Variants in TMEM232 observed in about 807,000 individuals in gnomAD.
TMEM232 encodes transmembrane protein 232.
Under a neutral mutation model 78.8 loss-of-function variants are expected in TMEM232, and 80 were observed. That is an observed-to-expected ratio of 1.01 (90% CI 0.85 to 1.22). The LOEUF is 1.22. Among genes scored for constraint, TMEM232 ranks in the 50% most tolerant of loss-of-function variants. The pLI, the probability that TMEM232 is intolerant of heterozygous loss-of-function variation, is 0.00. For missense variants in TMEM232, 881 were observed against 742.2 expected, an observed-to-expected ratio of 1.19 and a Z score of -2.17; for synonymous variants, 297 against 254.3, an observed-to-expected ratio of 1.17 and a Z score of -1.60.
chr5:110,453,827 CAAA>C (rs556583793), intron 12 of TMEM232, among the ~76,000 whole-genome samples: 2 of 117,026 alleles, frequency 1.7e-5, no homozygotes, highest in Non-Finnish European at 3.7e-5. Flanking sequence ...ATTCCAGGAG[CAAA>C]AAAAAAAAAA....
intron 2 of TMEM232, among the ~76,000 whole-genome samples, chr5:110,734,018 TAC>T (rs1341639908): frequency 6.6e-6 from 1 of 152,244 alleles, no homozygotes; most frequent in Non-Finnish European, 1.5e-5. Flanking sequence ...AAATTTCTCT[TAC>T]ACAGTTAGTT....
intron 10 of TMEM232, among the ~76,000 whole-genome samples, chr5:110,604,251 G>C (rs1781277214): frequency 6.6e-6 from 1 of 151,898 alleles, no homozygotes; most frequent in Non-Finnish European, 1.5e-5. Context: ...AACCACAAAA[G>C]ACTACTTTGA....
intron 12 of TMEM232, among the ~76,000 whole-genome samples, chr5:110,432,155 G>C (rs932419361): frequency 2.0e-5 from 3 of 151,436 alleles, no homozygotes; most frequent in African/African-American, 7.3e-5. Context: ...TACTATATAA[G>C]GTCACCATCC....
chr5:110,643,689 A>G (rs888066740), intron 2 of TMEM232, among the ~76,000 whole-genome samples: 2 of 152,062 alleles, frequency 1.3e-5, no homozygotes, highest in Non-Finnish European at 2.9e-5. Flanking sequence ...TTACTGAAAT[A>G]GAATTTACTG....
chr5:110,708,025 G>T (rs1344982019), intron 1 of TMEM232, among the ~76,000 whole-genome samples: 2 of 152,114 alleles, frequency 1.3e-5, no homozygotes, highest in East Asian at 3.9e-4. Flanking sequence ...CAGGTATTAC[G>T]CCATGAGCCT....
At chr5:110,487,493 A>G (rs566451045) in intron 12 of TMEM232, among the ~76,000 whole-genome samples, 10 of 152,024 alleles carry the variant, frequency 6.6e-5, no homozygotes, top group Non-Finnish European at 1.3e-4. Flanking sequence ...CTTGTATGCC[A>G]ATTTTGCTGA....
intron 12 of TMEM232, among the ~76,000 whole-genome samples, chr5:110,470,999 A>G (rs1016828031): frequency 6.6e-6 from 1 of 152,230 alleles, no homozygotes; most frequent in Non-Finnish European, 1.5e-5. Flanking sequence ...TTAAACCAGG[A>G]AAACTATTCA....
At chr5:110,464,465 T>G (rs530595325) in intron 12 of TMEM232, among the ~76,000 whole-genome samples, 22 of 152,264 alleles carry the variant, frequency 1.4e-4, no homozygotes, top group Middle Eastern at 3.4e-3. Context: ...TGCTTCCAGT[T>G]TGTTCAAAAT....
intron 1 of TMEM232, among the ~76,000 whole-genome samples, chr5:110,672,425 A>C (rs1791475947): frequency 6.6e-6 from 1 of 152,232 alleles, no homozygotes; most frequent in Admixed American, 6.6e-5. Context: ...GTGTTTAACC[A>C]ACACAAGTTT....
chr5:110,697,293 T>C (rs185530822), intron 1 of TMEM232, among the ~76,000 whole-genome samples: 18 of 152,196 alleles, frequency 1.2e-4, no homozygotes, highest in African/African-American at 4.1e-4. Context: ...ATACAAAAAT[T>C]AATTCAAGAT....
chr5:110,597,465 TC>T (rs1240632446), intron 10 of TMEM232, among the ~76,000 whole-genome samples: 1 of 152,132 alleles, frequency 6.6e-6, no homozygotes, highest in Middle Eastern at 3.4e-3. Flanking sequence ...TTCAATGCCA[TC>T]CCCATCAAGC....
rs1014836951 is a variant in TMEM232 at position 110,654,720 on chromosome 5, T to A, written c.126-12349A>T. ...GTAGCTAGATGGGGATGGCATTGAA[T>A]CTATAAATTACCTTGGGCAGTATGG... On this transcript the variant is annotated intron_variant, in intron 2 of 13. Transcript: ENST00000455884. 1.6e-4 allele frequency among the ~76,000 whole-genome samples: 25 copies of A among 152,274 alleles called. No individual in the cohort carries two copies. The East Asian group carries it at 2.9e-3, about 18-fold the overall frequency.
At chr5:110,682,019 ACTT>A (rs1416475672) in intron 1 of TMEM232, among the ~76,000 whole-genome samples, 2 of 152,292 alleles carry the variant, frequency 1.3e-5, no homozygotes, top group East Asian at 1.9e-4. Context: ...AAAAATTTTA[ACTT>A]CTTCTGCTAT....
chr5:110,493,227 G>T (rs1290144932), intron 12 of TMEM232, among the ~76,000 whole-genome samples: 1 of 151,536 alleles, frequency 6.6e-6, no homozygotes, highest in African/African-American at 2.4e-5. Context: ...TGTTCCTAGA[G>T]ATGAAAACTT....
intron 12 of TMEM232, among the ~76,000 whole-genome samples, chr5:110,433,529 A>G (rs572879873): frequency 6.6e-6 from 1 of 151,886 alleles, no homozygotes; most frequent in Admixed American, 6.6e-5. Context: ...AAAAATCTCT[A>G]ACCACCTAAC....
At chr5:110,657,266 T>C (rs1789202960) in intron 2 of TMEM232, among the ~76,000 whole-genome samples, 2 of 152,098 alleles carry the variant, frequency 1.3e-5, no homozygotes, top group African/African-American at 4.8e-5. Flanking sequence ...CCAAAGAAAA[T>C]ATAATCAGTA....
At chr5:110,718,526 CT>C (rs1480246319) in intron 1 of TMEM232, among the ~76,000 whole-genome samples, 2 of 152,038 alleles carry the variant, frequency 1.3e-5, no homozygotes, top group Non-Finnish European at 2.9e-5. Context: ...CAGATTTTCT[CT>C]TTGCAGTTAG....
chr5:110,479,504 T>C (rs1246312385), intron 12 of TMEM232, among the ~76,000 whole-genome samples: 2 of 151,880 alleles, frequency 1.3e-5, no homozygotes, highest in African/African-American at 4.8e-5. Context: ...CACTAGAGAT[T>C]ACCTGTGATG....
chr5:110,608,359 T>C (rs1580345612), intron 8 of TMEM232, among the ~76,000 whole-genome samples: 1 of 151,886 alleles, frequency 6.6e-6, no homozygotes, highest in Non-Finnish European at 1.5e-5. Flanking sequence ...ATTAAAGTCA[T>C]AGAGTGACTG....
Sources: gnomAD v4.1 joint callset for allele counts (sites outside exome capture counted in the v4.1 genomes callset) on GRCh38, gnomAD v4.1.1 for gene constraint, MANE v1.5 for transcripts, NCBI Gene and HGNC (gene_info 2026-07-23, HGNC 2026-07-21) for gene names.